Variants in MDFIC2 observed in about 807,000 individuals in gnomAD.
The protein encoded by MDFIC2 is MyoD family inhibitor domain containing 2, also known as myoD family inhibitor domain-containing protein 2.
intron 3 of MDFIC2, among the ~76,000 whole-genome samples, chr3:70,200,242 C>T (rs1363419522): frequency 1.3e-5 from 2 of 152,178 alleles, no homozygotes; most frequent in African/African-American, 4.8e-5. Context: ...CATGAGCCCG[C>T]TTCAAATTCA....
At chr3:70,298,658 T>A (rs1575619647) in intron 2 of MDFIC2, among the ~76,000 whole-genome samples, 1 of 152,080 alleles carries the variant, frequency 6.6e-6, no homozygotes, top group African/African-American at 2.4e-5. Context: ...ACTGAATGAG[T>A]AATAGGTTTA....
intron 2 of MDFIC2, among the ~76,000 whole-genome samples, chr3:70,226,451 T>C (rs1196535222): frequency 6.6e-6 from 1 of 152,120 alleles, no homozygotes; most frequent in Non-Finnish European, 1.5e-5. Flanking sequence ...AAAATTAGTG[T>C]TCAAGGCTGG....
chr3:70,206,777 C>T lies in MDFIC2; in HGVS notation c.102G>A (p.Thr34=), dbSNP rs1407861741. 5 of 397,436 alleles carry T rather than the reference C, an allele frequency of 1.3e-5. No individual in the cohort carries two copies. The highest frequency in any genetic ancestry group is 1.3e-5 in the Non-Finnish European group (3 of 225,366). The allele number at this position is 397,436 out of a possible 1,614,324, so 24.6% of individuals were successfully genotyped here. The change falls in exon 3 of 4, where the codon ACG becomes ACA. Residue 34 remains threonine, a synonymous_variant. Transcript: ENST00000567252. ...GTTTCTCATCTGCATGCTTTGCATT[C>T]GTGAGTTGCGTATCTAGAGGAAAAA... ...ISWLKEDTQL[T]NAKHADEKPI... is the part of the protein sequence containing the mutation.
intron 2 of MDFIC2, among the ~76,000 whole-genome samples, chr3:70,235,505 A>G (rs576539182): frequency 2.0e-4 from 31 of 152,342 alleles, no homozygotes; most frequent in Admixed American, 5.2e-4. Flanking sequence ...AAACACATGA[A>G]TACATGGCTC....
intron 3 of MDFIC2, among the ~76,000 whole-genome samples, chr3:70,199,150 G>A (rs1237226422): frequency 6.6e-6 from 1 of 152,134 alleles, no homozygotes; most frequent in African/African-American, 2.4e-5. Flanking sequence ...CTTTATACAT[G>A]CAAGGTTAAA....
chr3:70,302,446 CTT>C (rs138479889), intron 2 of MDFIC2: 1 of 151,910 alleles, frequency 6.6e-6, no homozygotes, highest in African/African-American at 2.4e-5. Context: ...ACATAAGAGA[CTT>C]TTTTTTCCTC....
rs1390609487 is a variant in MDFIC2 at position 70,289,629 on chromosome 3, C to A, written c.88+22257G>T. On this transcript the variant is annotated intron_variant, in intron 2 of 3. Transcript: ENST00000567252. The stretch of plus-strand genomic sequence containing the variant: ...CCTGCCTTGCTAGATTGGGGAAATT[C>A]TCCTGGATAATATCCTGCAGAGTGT... 7.6e-3 allele frequency among the ~76,000 whole-genome samples: 1,144 copies of A among 151,290 alleles called. 15 individuals are homozygous for A. Among genetic ancestry groups the A allele is most frequent in the African/African-American group, 0.027 (1,102 of 41,322 alleles).
intron 2 of MDFIC2, among the ~76,000 whole-genome samples, chr3:70,219,500 C>A (rs1348186755): frequency 6.6e-6 from 1 of 151,870 alleles, no homozygotes; most frequent in Non-Finnish European, 1.5e-5. Flanking sequence ...AGAAATTTTT[C>A]AAAAATTGTG....
At chr3:70,245,258 A>G (rs1261997233) in intron 2 of MDFIC2, among the ~76,000 whole-genome samples, 1 of 152,122 alleles carries the variant, frequency 6.6e-6, no homozygotes, top group Non-Finnish European at 1.5e-5. Context: ...TGAGAATTAG[A>G]AAAAAACCAA....
intron 2 of MDFIC2, among the ~76,000 whole-genome samples, chr3:70,274,362 T>C (rs1373439582): frequency 6.6e-6 from 1 of 151,788 alleles, no homozygotes; most frequent in African/African-American, 2.4e-5. Flanking sequence ...ATAAACTTAA[T>C]TCTCTTGAAA....
At chr3:70,239,130 A>G (rs1444649635) in intron 2 of MDFIC2, among the ~76,000 whole-genome samples, 1 of 152,188 alleles carries the variant, frequency 6.6e-6, no homozygotes, top group Non-Finnish European at 1.5e-5. Context: ...CTGGTCTTTC[A>G]TCAGTTCTAT....
At chr3:70,258,845 G>T (rs993129510) in intron 2 of MDFIC2, among the ~76,000 whole-genome samples, 4 of 152,084 alleles carry the variant, frequency 2.6e-5, no homozygotes, top group Non-Finnish European at 5.9e-5. Flanking sequence ...GAGAGCAGGT[G>T]ATGACCCTAT....
At chr3:70,254,593 T>G (rs1163402779) in intron 2 of MDFIC2, among the ~76,000 whole-genome samples, 1 of 152,186 alleles carries the variant, frequency 6.6e-6, no homozygotes, top group Admixed American at 6.5e-5. Context: ...GTTATCATAC[T>G]TAGCAAACCA....
chr3:70,262,048 T>C (rs935528275), intron 2 of MDFIC2, among the ~76,000 whole-genome samples: 2 of 152,188 alleles, frequency 1.3e-5, no homozygotes, highest in Non-Finnish European at 2.9e-5. Context: ...CCATTCCTCA[T>C]GTGTCCTTGC....
At chr3:70,224,745 C>T (rs1169292502) in intron 2 of MDFIC2, among the ~76,000 whole-genome samples, 1 of 151,862 alleles carries the variant, frequency 6.6e-6, no homozygotes, top group Non-Finnish European at 1.5e-5. Context: ...TTAACCATTG[C>T]GCTCGGCAAA....
At chr3:70,210,940 T>C (rs780489428) in intron 2 of MDFIC2, among the ~76,000 whole-genome samples, 4 of 152,114 alleles carry the variant, frequency 2.6e-5, no homozygotes, top group Non-Finnish European at 5.9e-5. Context: ...ATTTATTGAG[T>C]ACCCACATGC....
chr3:70,236,596 A>T (rs752863378), intron 2 of MDFIC2, among the ~76,000 whole-genome samples: 5 of 152,066 alleles, frequency 3.3e-5, no homozygotes, highest in Non-Finnish European at 7.4e-5. Context: ...TTATTTTACT[A>T]GAAAACTTTT....
chr3:70,227,595 C>T (rs982345294), intron 2 of MDFIC2, among the ~76,000 whole-genome samples: 1 of 152,224 alleles, frequency 6.6e-6, no homozygotes, highest in Non-Finnish European at 1.5e-5. Context: ...ATAGATTACT[C>T]TTTCAAAAGG....
intron 2 of MDFIC2, among the ~76,000 whole-genome samples, chr3:70,263,934 T>A (rs1176338154): frequency 6.6e-6 from 1 of 152,196 alleles, no homozygotes; most frequent in Admixed American, 6.5e-5. Context: ...GGTTGTTGAA[T>A]ACATTATTTC....
Sources: gnomAD v4.1 joint callset for allele counts (sites outside exome capture counted in the v4.1 genomes callset) on GRCh38, gnomAD v4.1.1 for gene constraint, MANE v1.5 for transcripts, NCBI Gene and HGNC (gene_info 2026-07-23, HGNC 2026-07-21) for gene names.